RYK: variants seen among roughly 807,000 people sequenced by gnomAD.
RYK encodes inactive tyrosine-protein kinase RYK.
Under a neutral mutation model 70.2 loss-of-function variants are expected in RYK, and 21 were observed. The observed-to-expected ratio is 0.30, with a 90% CI of 0.21 to 0.43. The LOEUF (loss-of-function observed/expected upper bound fraction) is 0.43. Among genes scored for constraint, RYK ranks in the 20% least tolerant of loss-of-function variants. RYK has a pLI of 1.00. For missense variants in RYK, 604 were observed against 753.3 expected (o/e 0.80, Z 2.32); for synonymous variants, 267 against 278.0 (o/e 0.96, Z 0.39).
chr3:134,212,702 G>A (rs138363751), intron 2 of RYK, among the ~76,000 whole-genome samples: 125 of 152,162 alleles, frequency 8.2e-4, no homozygotes, highest in East Asian at 5.4e-3. Flanking sequence ...CTAACGAAAT[G>A]GTACATAATA....
At chr3:134,231,456 A>G (rs887377294) in intron 1 of RYK, among the ~76,000 whole-genome samples, 2 of 152,196 alleles carry the variant, frequency 1.3e-5, no homozygotes, top group African/African-American at 4.8e-5. Context: ...CTTTTTGAAC[A>G]TAACAGAGCA....
intron 2 of RYK, 25 bp downstream of exon 2, chr3:134,222,393 T>TGTC: frequency 6.2e-7 from 1 of 1,612,002 alleles, no homozygotes; most frequent in Non-Finnish European, 8.5e-7. Context: ...CCTGTCATGA[T>TGTC]GTCTGTGGTT....
At chr3:134,214,804 G>A (rs527978668) in intron 2 of RYK, among the ~76,000 whole-genome samples, 1 of 152,106 alleles carries the variant, frequency 6.6e-6, no homozygotes, top group Admixed American at 6.5e-5. Context: ...CTAGTACAGA[G>A]GAACCCCATT....
intron 13 of RYK, among the ~76,000 whole-genome samples, chr3:134,164,322 C>T (rs1337787626): frequency 1.3e-5 from 2 of 152,170 alleles, no homozygotes; most frequent in East Asian, 1.9e-4. Flanking sequence ...TTCTGATATA[C>T]ATAAACACTC....
At chr3:134,165,770 T>C (rs931305538) in intron 13 of RYK, among the ~76,000 whole-genome samples, 9 of 152,270 alleles carry the variant, frequency 5.9e-5, no homozygotes, top group African/African-American at 1.9e-4. Context: ...TTATTTTAGA[T>C]GCATTACTCC....
intron 13 of RYK, among the ~76,000 whole-genome samples, chr3:134,160,902 A>G (rs930436580): frequency 2.0e-5 from 3 of 152,214 alleles, no homozygotes; most frequent in Non-Finnish European, 4.4e-5. Context: ...TTCTATATAG[A>G]GCCAAAATAT....
chr3:134,239,863 T>C (rs1163902690), intron 1 of RYK, among the ~76,000 whole-genome samples: 5 of 152,208 alleles, frequency 3.3e-5, no homozygotes, highest in Non-Finnish European at 7.3e-5. Context: ...AAGATGAGCC[T>C]CTCTGGGGAA....
chr3:134,184,781 A>C (rs1264818732), intron 9 of RYK, among the ~76,000 whole-genome samples: 1 of 151,448 alleles, frequency 6.6e-6, no homozygotes, highest in Non-Finnish European at 1.5e-5. Flanking sequence ...TAATAATAAT[A>C]AACAAATAAG....
chr3:134,206,114 CT>C (rs112783654), intron 5 of RYK, among the ~76,000 whole-genome samples: 8 of 152,086 alleles, frequency 5.3e-5, no homozygotes, highest in African/African-American at 1.4e-4. Context: ...TTTTTTCTTT[CT>C]TTTCAGAAAT....
intron 2 of RYK, among the ~76,000 whole-genome samples, chr3:134,215,104 A>T (rs1171913946): frequency 6.6e-6 from 1 of 152,200 alleles, no homozygotes; most frequent in East Asian, 1.9e-4. Context: ...TTTCCCCAGA[A>T]ACTTGCTGTC....
At chr3:134,220,125 C>T (rs2014692563) in intron 2 of RYK, among the ~76,000 whole-genome samples, 1 of 152,124 alleles carries the variant, frequency 6.6e-6, no homozygotes, top group Admixed American at 6.5e-5. Flanking sequence ...ATGAAGAAAC[C>T]TCAGACAACA....
At chr3:134,188,520 CT>C (rs1353058974) in intron 9 of RYK, among the ~76,000 whole-genome samples, 1 of 152,140 alleles carries the variant, frequency 6.6e-6, no homozygotes, top group Non-Finnish European at 1.5e-5. Context: ...ATGGCTATAC[CT>C]GCAAAAGTAT....
intron 1 of RYK, among the ~76,000 whole-genome samples, chr3:134,226,854 T>C (rs993568489): frequency 6.6e-6 from 1 of 152,182 alleles, no homozygotes; most frequent in African/African-American, 2.4e-5. Context: ...GCTAATATCA[T>C]ACTCAATGGT....
At chr3:134,186,289 T>G (rs2013458547) in intron 9 of RYK, among the ~76,000 whole-genome samples, 1 of 152,230 alleles carries the variant, frequency 6.6e-6, no homozygotes, top group Non-Finnish European at 1.5e-5. Context: ...CTGTATAAAA[T>G]TATGAATATT....
intron 9 of RYK, 40 bp downstream of exon 9, chr3:134,188,797 A>G (rs752928725): frequency 2.4e-6 from 3 of 1,255,062 alleles, no homozygotes; most frequent in Non-Finnish European, 3.4e-6. Context: ...CACCTGAGAC[A>G]GAAGAGCATC....
intron 3 of RYK, 86 bp downstream of exon 3, chr3:134,211,422 T>C: frequency 1.2e-6 from 1 of 821,704 alleles, no homozygotes; most frequent in Non-Finnish European, 2.0e-6. Flanking sequence ...TAATACACAC[T>C]ACACATCAGT....
At chr3:134,222,621 A>C (rs939971624) in intron 1 of RYK, 82 bp from the exon 2 acceptor site, 4 of 1,202,128 alleles carry the variant, frequency 3.3e-6, no homozygotes, top group Non-Finnish European at 4.7e-6. Flanking sequence ...ATACAAATAG[A>C]GTGAAGATAA....
At chr3:134,191,997 C>T in intron 7 of RYK, 23 bp from the exon 8 acceptor site, 2 of 1,611,336 alleles carry the variant, frequency 1.2e-6, no homozygotes, top group Non-Finnish European at 1.7e-6. Flanking sequence ...CAAAGCCAAA[C>T]CAAGCAATAT....
chr3:134,198,665 C>T (rs1019564950), intron 6 of RYK, among the ~76,000 whole-genome samples: 14 of 152,148 alleles, frequency 9.2e-5, no homozygotes, highest in Non-Finnish European at 1.3e-4. Context: ...GAGAAAACCA[C>T]GCTTCCCTGG....
Sources: gnomAD v4.1 joint callset for allele counts (sites outside exome capture counted in the v4.1 genomes callset) on GRCh38, gnomAD v4.1.1 for gene constraint, MANE v1.5 for transcripts, NCBI Gene and HGNC (gene_info 2026-07-23, HGNC 2026-07-21) for gene names.